Variants in ESRRG observed in about 807,000 individuals in gnomAD.
ESRRG encodes the protein estrogen related receptor gamma, also known as estrogen-related receptor gamma.
In ESRRG, 13 loss-of-function variants were observed where a neutral mutation model predicts 44.0. That is an observed-to-expected ratio of 0.30 (90% CI 0.19 to 0.47). ESRRG has a LOEUF of 0.47. ESRRG is among the 20% of genes least tolerant of loss of function. The probability of loss-of-function intolerance (pLI) is 1.00; values close to 1 mark genes in which losing one functional copy is unlikely to be tolerated. For synonymous variants in ESRRG, 215 were observed against 214.6 expected (o/e 1.00, Z -0.02); for missense variants, 395 against 580.6 (o/e 0.68, Z 3.29).
At chr1:216,550,768 C>T (rs571711383) in intron 5 of ESRRG, among the ~76,000 whole-genome samples, 1 of 152,264 alleles carries the variant, frequency 6.6e-6, no homozygotes, top group East Asian at 1.9e-4. Flanking sequence ...AGTAAAGATA[C>T]TGCCATTCTC....
At chr1:216,970,615 T>C (rs1304011902) in intron 1 of ESRRG, among the ~76,000 whole-genome samples, 1 of 152,216 alleles carries the variant, frequency 6.6e-6, no homozygotes, top group Non-Finnish European at 1.5e-5. Context: ...TTAATATTTT[T>C]AACCTAATCA....
chr1:216,973,222 T>C lies in ESRRG; in HGVS notation c.-105-33549A>G, dbSNP rs141135752. Among the ~76,000 whole-genome samples the C allele has an allele frequency of 2.3e-3, 345 of 152,232 alleles. 2 individuals carry two copies. The highest frequency in any genetic ancestry group is 7.6e-3 in the African/African-American group (316 of 41,556). ...AATCCTATAAATGGTTTTATCTCAT[T>C]CAGGGTAAAAGCCACAGCCATGATA... On this transcript the variant is annotated intron_variant, in intron 1 of 7. Transcript: ENST00000359162.
rs397709457 is a variant in ESRRG at position 217,035,319 on chromosome 1, C to CAAAAAA, written c.-106+54182_-106+54187dup. Among the ~76,000 whole-genome samples the CAAAAAA allele has an allele frequency of 3.9e-4, 29 of 75,126 alleles. 1 individual carries two copies. The highest frequency in any genetic ancestry group is 5.1e-4 in the Non-Finnish European group (21 of 40,946). 49.3% of individuals were successfully genotyped at this position (75,126 alleles called of 152,430 possible). ...TGGGCAGCCTAGCGAGACTCTGTCT[C>CAAAAAA]AAAAAAAAAAAAAAAAAAAAAAGTG... On this transcript the variant is annotated intron_variant, in intron 1 of 7. Transcript: ENST00000359162.
chr1:216,659,229 A>G (rs2071608165), intron 2 of ESRRG, among the ~76,000 whole-genome samples: 1 of 152,222 alleles, frequency 6.6e-6, no homozygotes, highest in Admixed American at 6.5e-5. Context: ...ATTATAAAAT[A>G]AAACCACCTT....
intron 1 of ESRRG, among the ~76,000 whole-genome samples, chr1:217,120,364 C>T (rs2102495153): frequency 6.6e-6 from 1 of 151,808 alleles, no homozygotes; most frequent in Non-Finnish European, 1.5e-5. Context: ...AACATTAATT[C>T]AATATATCAG....
At chr1:216,943,429 G>A (rs2065572392) in intron 1 of ESRRG, among the ~76,000 whole-genome samples, 1 of 152,098 alleles carries the variant, frequency 6.6e-6, no homozygotes, top group Non-Finnish European at 1.5e-5. Flanking sequence ...TGTTCTTCAG[G>A]TCTCAAACAG....
intron 1 of ESRRG, among the ~76,000 whole-genome samples, chr1:216,942,870 C>T (rs2065474679): frequency 1.3e-5 from 2 of 152,012 alleles, no homozygotes; most frequent in Non-Finnish European, 2.9e-5. Flanking sequence ...GGTTGTCTCT[C>T]TTTTGATAGT....
chr1:216,714,947 C>A (rs2084500194), intron 1 of ESRRG: 3 of 321,328 alleles, frequency 9.3e-6, no homozygotes, highest in Non-Finnish European at 1.3e-5. Context: ...GACTGAGTAA[C>A]AACAAATTCC....
chr1:216,661,490 T>C (rs899139019), intron 2 of ESRRG, among the ~76,000 whole-genome samples: 7 of 152,230 alleles, frequency 4.6e-5, no homozygotes, highest in Admixed American at 2.0e-4. Context: ...TTACATCTAA[T>C]GCATTCACTA....
intron 1 of ESRRG, among the ~76,000 whole-genome samples, chr1:217,120,714 C>T (rs2092807667): frequency 6.6e-6 from 1 of 152,176 alleles, no homozygotes; most frequent in African/African-American, 2.4e-5. Context: ...GTTCCCTCTG[C>T]CTACAATTCA....
intron 1 of ESRRG, among the ~76,000 whole-genome samples, chr1:217,109,441 A>G (rs1170614607): frequency 6.6e-6 from 1 of 152,150 alleles, no homozygotes; most frequent in Non-Finnish European, 1.5e-5. Context: ...TCCCTTTTCT[A>G]ATGACCAAAT....
intron 2 of ESRRG, among the ~76,000 whole-genome samples, chr1:216,759,296 A>G (rs1001670947): frequency 3.3e-5 from 5 of 152,074 alleles, no homozygotes; most frequent in African/African-American, 4.8e-5. Flanking sequence ...GCTTCAACAA[A>G]TAACTACCCA....
upstream of ESRRG, among the ~76,000 whole-genome samples, chr1:216,724,352 T>C (rs1164736446): frequency 7.8e-6 from 1 of 128,866 alleles, no homozygotes; most frequent in East Asian, 2.4e-4. Context: ...TTTGACAAAA[T>C]AAAGACAGCA....
At chr1:216,528,479 C>T (rs1265848709) in intron 5 of ESRRG, among the ~76,000 whole-genome samples, 1 of 152,082 alleles carries the variant, frequency 6.6e-6, no homozygotes, top group African/African-American at 2.4e-5. Context: ...AATTTATCTA[C>T]CTATCCTAGT....
At chr1:216,676,489 G>T (rs1273459875) in intron 2 of ESRRG, among the ~76,000 whole-genome samples, 1 of 152,080 alleles carries the variant, frequency 6.6e-6, no homozygotes, top group Non-Finnish European at 1.5e-5. Context: ...AATTAAATTT[G>T]TCTAGAGCAG....
intron 1 of ESRRG, among the ~76,000 whole-genome samples, chr1:216,940,316 CT>C (rs1207937786): frequency 5.9e-5 from 9 of 152,158 alleles, no homozygotes; most frequent in Admixed American, 5.9e-4. Context: ...CATGAAGTTG[CT>C]GTTATTCTAT....
At chr1:216,887,828 T>A (rs944583394) in intron 2 of ESRRG, among the ~76,000 whole-genome samples, 1 of 152,172 alleles carries the variant, frequency 6.6e-6, no homozygotes, top group African/African-American at 2.4e-5. Context: ...ATAGAAAACA[T>A]TTCTTTAAAG....
chr1:216,830,060 T>A (rs1312243917), intron 2 of ESRRG, among the ~76,000 whole-genome samples: 1 of 152,120 alleles, frequency 6.6e-6, no homozygotes, highest in Non-Finnish European at 1.5e-5. Flanking sequence ...CACAGGAATT[T>A]TATTAACATC....
At position 216,664,543 on chromosome 1, in the gene ESRRG, A is replaced by G. The variant is rs570869998; in HGVS notation, c.472+12533T>C. On this transcript the variant is annotated intron_variant, in intron 2 of 6. Coordinates refer to ENST00000408911, the MANE Select transcript of ESRRG (RefSeq NM_001438.4). ...CAGGAATCTTAAGACAGCTATGTAC[A>G]TTATCCATATATATAAAATTACTTA... Among the ~76,000 whole-genome samples, 11 of 151,068 alleles carry G rather than the reference A, an allele frequency of 7.3e-5. No individual in the cohort carries two copies. The East Asian group carries it at 1.2e-3, about 16-fold the overall frequency.
Sources: allele counts gnomAD v4.1 joint callset (sites outside exome capture counted in the v4.1 genomes callset), GRCh38; gene constraint gnomAD v4.1.1; transcripts MANE v1.5; gene names NCBI Gene and HGNC (gene_info 2026-07-23, HGNC 2026-07-21).